Variants in PLPPR5 observed in about 807,000 individuals in gnomAD.
PLPPR5 encodes the protein phospholipid phosphatase related 5, also known as phospholipid phosphatase-related protein type 5.
In PLPPR5, 16 loss-of-function variants were observed where a neutral mutation model predicts 33.9. The observed-to-expected ratio is 0.47, with a 90% CI of 0.32 to 0.72. The LOEUF (loss-of-function observed/expected upper bound fraction) is 0.72, where lower values mean the gene tolerates loss of function less well. PLPPR5 is among the 30% of genes least tolerant of loss of function. The pLI is 0.03. For missense variants in PLPPR5, 301 were observed against 406.7 expected, an observed-to-expected ratio of 0.74 and a Z score of 2.23; for synonymous variants, 163 against 150.3, an observed-to-expected ratio of 1.08 and a Z score of -0.62.
At chr1:98,940,887 G>T (rs903628112) in intron 3 of PLPPR5, among the ~76,000 whole-genome samples, 2 of 151,898 alleles carry the variant, frequency 1.3e-5, no homozygotes, top group Non-Finnish European at 2.9e-5. Flanking sequence ...CTTGGGTAAC[G>T]AGGGTAGGAA....
At chr1:98,944,900 C>G (rs891198322) in intron 3 of PLPPR5, among the ~76,000 whole-genome samples, 8 of 152,188 alleles carry the variant, frequency 5.3e-5, no homozygotes, top group African/African-American at 1.9e-4. Flanking sequence ...AGGAGTAAGG[C>G]CATGTCACCT....
At chr1:98,920,999 T>C (rs1649533447) in intron 4 of PLPPR5, among the ~76,000 whole-genome samples, 1 of 152,178 alleles carries the variant, frequency 6.6e-6, no homozygotes, top group African/African-American at 2.4e-5. Flanking sequence ...CACTCACAAC[T>C]TATACTATAC....
chr1:98,971,812 T>A (rs546313961), intron 1 of PLPPR5, among the ~76,000 whole-genome samples: 1 of 152,090 alleles, frequency 6.6e-6, no homozygotes, highest in Non-Finnish European at 1.5e-5. Context: ...GTTCTTTCCA[T>A]TTCATTCAAA....
intron 3 of PLPPR5, among the ~76,000 whole-genome samples, chr1:98,947,141 A>T (rs904694899): frequency 6.6e-6 from 1 of 152,194 alleles, no homozygotes; most frequent in East Asian, 1.9e-4. Context: ...TAATTCTGAC[A>T]TATTTTTCAA....
intron 1 of PLPPR5, among the ~76,000 whole-genome samples, chr1:98,989,700 C>T (rs547130594): frequency 3.0e-4 from 45 of 152,260 alleles, no homozygotes; most frequent in African/African-American, 1.1e-3. Flanking sequence ...GAATAAGAGA[C>T]AATAGCCAAA....
intron 3 of PLPPR5, among the ~76,000 whole-genome samples, chr1:98,930,261 AG>A (rs1553167847): frequency 7.9e-5 from 12 of 152,228 alleles, no homozygotes. Context: ...TAACAATAAA[AG>A]CATATTTCAA....
intron 3 of PLPPR5, among the ~76,000 whole-genome samples, chr1:98,940,483 G>A (rs1650332693): frequency 1.3e-5 from 2 of 152,020 alleles, no homozygotes; most frequent in Admixed American, 6.6e-5. Context: ...CATAACTGGA[G>A]GGAAGACAGC....
chr1:98,921,882 C>A lies in PLPPR5; in HGVS notation c.798G>T (p.Leu266=). The A allele has an allele frequency of 3.1e-6, 5 of 1,600,074 alleles. No individual in the cohort carries two copies. Among genetic ancestry groups the A allele is most frequent in the Non-Finnish European group, 4.3e-6 (5 of 1,174,356 alleles). ...GATATATAAATAAATTTGTACTTAC[C>A]AGAAATACTGCTATAGATATTCCAA... The part of the protein sequence containing the change: ...FLVGISIAVF[L]VVCVVNNFKG... Residue 266 remains leucine (L), a splice_region_variant and synonymous_variant, in exon 4 of 6, where the codon CTG becomes CTT. Coordinates refer to ENST00000263177, the MANE Select transcript of PLPPR5 (RefSeq NM_001037317.2).
chr1:98,926,155 C>T (rs1409354927), intron 3 of PLPPR5, among the ~76,000 whole-genome samples: 1 of 152,128 alleles, frequency 6.6e-6, no homozygotes. Context: ...GCCTCAATTC[C>T]CCTCAGTATG....
At chr1:98,975,669 G>A (rs759669390) in intron 1 of PLPPR5, among the ~76,000 whole-genome samples, 23 of 151,910 alleles carry the variant, frequency 1.5e-4, no homozygotes, top group Non-Finnish European at 2.6e-4. Flanking sequence ...TATTTACCTG[G>A]AAAAAGGGTC....
At chr1:98,971,134 T>C (rs1032600090) in intron 1 of PLPPR5, among the ~76,000 whole-genome samples, 1 of 152,084 alleles carries the variant, frequency 6.6e-6, no homozygotes, top group African/African-American at 2.4e-5. Flanking sequence ...GACTACTACA[T>C]CTTATTTTTA....
intron 1 of PLPPR5, among the ~76,000 whole-genome samples, chr1:99,001,272 C>A (rs1652830588): frequency 6.6e-6 from 1 of 151,650 alleles, no homozygotes; most frequent in Non-Finnish European, 1.5e-5. Flanking sequence ...GTAGCTGGGA[C>A]TACAGGCGCC....
chr1:98,953,693 T>A (rs1487070197), intron 2 of PLPPR5, among the ~76,000 whole-genome samples: 1 of 152,120 alleles, frequency 6.6e-6, no homozygotes, highest in Non-Finnish European at 1.5e-5. Flanking sequence ...GCAATTTCCT[T>A]TTTTCCCCCA....
chr1:98,892,199 T>TA lies in PLPPR5; in HGVS notation c.*872dup, dbSNP rs1484728640. ...TTAAATTATGTGGAATCTTTAGTAG[T>TA]AAAAAAGCCTAAGAGTGGAGCTTTT... On this transcript the variant is annotated 3_prime_UTR_variant, in exon 6 of 6. Coordinates refer to ENST00000263177, the MANE Select transcript of PLPPR5 (RefSeq NM_001037317.2). The TA allele has an allele frequency of 6.6e-6, 1 of 152,116 alleles. No individual in the cohort carries two copies. Among genetic ancestry groups the TA allele is most frequent in the Non-Finnish European group, 1.5e-5 (1 of 67,978 alleles). 9.4% of individuals were successfully genotyped at this position (152,116 alleles called of 1,614,324 possible). A position where few individuals can be genotyped will look rare whatever the true frequency, so the allele number is the denominator to read the frequency against.
intron 1 of PLPPR5, among the ~76,000 whole-genome samples, chr1:98,957,466 T>C (rs1169724320): frequency 1.3e-5 from 2 of 152,042 alleles, no homozygotes; most frequent in African/African-American, 4.8e-5. Context: ...TATTTTTATG[T>C]GTAATTAAAT....
chr1:98,952,949 C>A, intron 3 of PLPPR5, 121 bp downstream of exon 3: 1 of 1,182,650 alleles, frequency 8.5e-7, no homozygotes, highest in Non-Finnish European at 1.2e-6. Context: ...GATTAAATGG[C>A]CTACAGAAAG....
rs986573628 is a variant in PLPPR5, at chr1:98,901,028, T to C, written c.934-7924A>G. On this transcript the variant is annotated intron_variant, in intron 5 of 5. Coordinates refer to ENST00000263177, the MANE Select transcript of PLPPR5 (RefSeq NM_001037317.2). ...ATATGTGTACTCCCAAAAAACTGTA[T>C]ATGAATGTTTGTATCAGCTTTATTC... Among the ~76,000 whole-genome samples the C allele has an allele frequency of 7.2e-5, 11 of 152,168 alleles. No individual in the cohort carries two copies. In the East Asian group the frequency reaches 2.1e-3, roughly 29 times the overall value.
At chr1:98,963,053 C>A in intron 1 of PLPPR5, among the ~76,000 whole-genome samples, 1 of 152,168 alleles carries the variant, frequency 6.6e-6, no homozygotes, top group East Asian at 1.9e-4. Flanking sequence ...TCTTTTACAG[C>A]TTCAGCAATT....
chr1:98,998,956 G>T (rs1438813432), intron 1 of PLPPR5, among the ~76,000 whole-genome samples: 1 of 152,150 alleles, frequency 6.6e-6, no homozygotes, highest in African/African-American at 2.4e-5. Flanking sequence ...TATAAGAAAT[G>T]CATGACCAAT....
Sources: allele counts gnomAD v4.1 joint callset (sites outside exome capture counted in the v4.1 genomes callset), GRCh38; gene constraint gnomAD v4.1.1; transcripts MANE v1.5; gene names NCBI Gene and HGNC (gene_info 2026-07-23, HGNC 2026-07-21).